DNTTIP1: variants seen among roughly 807,000 people sequenced by gnomAD.
DNTTIP1 encodes the protein deoxynucleotidyltransferase terminal interacting protein 1.
In DNTTIP1, 22 loss-of-function variants were observed where a neutral mutation model predicts 52.9. The observed-to-expected ratio is 0.42, with a 90% CI of 0.30 to 0.59. DNTTIP1 has a LOEUF of 0.59. Among genes scored for constraint, DNTTIP1 ranks in the 20% least tolerant of loss-of-function variants. The pLI, the probability that DNTTIP1 is intolerant of heterozygous loss-of-function variation, is 0.22. For missense variants in DNTTIP1, 286 were observed against 435.5 expected (o/e 0.66, Z 3.06); for synonymous variants, 136 against 155.1 (o/e 0.88, Z 0.92).
At chr20:45,802,526 T>C (rs138790740) in intron 7 of DNTTIP1, among the ~76,000 whole-genome samples, 371 of 152,126 alleles carry the variant, frequency 2.4e-3, no homozygotes, top group Middle Eastern at 0.01. Context: ...CACAGCAAAA[T>C]TGAGAGGAAG....
chr20:45,802,177 G>A lies in DNTTIP1; in HGVS notation c.557+120G>A, dbSNP rs1285243346. The A allele has an allele frequency of 1.5e-5, 16 of 1,060,652 alleles. No homozygotes were observed. In the South Asian group the frequency reaches 1.8e-4, roughly 12 times the overall value. The allele number at this position is 1,060,652 out of a possible 1,614,324, so 65.7% of individuals were successfully genotyped here. A position where few individuals can be genotyped will look rare whatever the true frequency, so the allele number is the denominator to read the frequency against. On this transcript the variant is annotated intron_variant, in intron 7 of 12. Transcript: ENST00000372622. ...ATCAGATCCATCAGCTTAAGTCATC[G>A]TGGAGGGGGGTTATCCTGGTTGGAG...
intron 5 of DNTTIP1, 70 bp downstream of exon 5, chr20:45,801,212 G>A: frequency 6.6e-7 from 1 of 1,512,114 alleles, no homozygotes; most frequent in Non-Finnish European, 9.2e-7. Context: ...TGAAATATGT[G>A]GGCCCAGGGA....
At chr20:45,798,621 A>G (rs560128068) in intron 4 of DNTTIP1, among the ~76,000 whole-genome samples, 2 of 152,066 alleles carry the variant, frequency 1.3e-5, no homozygotes, top group African/African-American at 2.4e-5. Flanking sequence ...CTCCTCCAGC[A>G]CAAGCTTAGG....
At chr20:45,803,508 C>A in intron 8 of DNTTIP1, 130 bp downstream of exon 8, 1 of 939,138 alleles carries the variant, frequency 1.1e-6, no homozygotes. Context: ...ATCTGCCCCT[C>A]TCCACCTCCA....
At chr20:45,793,076 GAC>G (rs988133217) in intron 2 of DNTTIP1, among the ~76,000 whole-genome samples, 41 of 152,318 alleles carry the variant, frequency 2.7e-4, no homozygotes, top group African/African-American at 9.1e-4. Context: ...TCTGGAGTCA[GAC>G]AACTGTGTTC....
chr20:45,798,033 A>G (rs1044296560), intron 4 of DNTTIP1, among the ~76,000 whole-genome samples: 4 of 152,186 alleles, frequency 2.6e-5, no homozygotes, highest in African/African-American at 7.2e-5. Flanking sequence ...ACATGCACAC[A>G]TATGTTTATT....
intron 4 of DNTTIP1, among the ~76,000 whole-genome samples, chr20:45,796,136 C>T (rs555823952): frequency 6.6e-6 from 1 of 151,282 alleles, no homozygotes; most frequent in Admixed American, 6.6e-5. Context: ...TGAACAAGTT[C>T]TGGGCAATCT....
intron 4 of DNTTIP1, among the ~76,000 whole-genome samples, chr20:45,797,290 G>A (rs182435789): frequency 6.4e-4 from 97 of 152,234 alleles, no homozygotes; most frequent in Middle Eastern, 3.4e-3. Context: ...GTAGAAAGCC[G>A]AAACTGGATC....
intron 4 of DNTTIP1, among the ~76,000 whole-genome samples, chr20:45,795,697 CCA>C: frequency 6.6e-6 from 1 of 152,188 alleles, no homozygotes; most frequent in East Asian, 1.9e-4. Flanking sequence ...TGCTTGGGAG[CCA>C]TAGGCACGAG....
intron 4 of DNTTIP1, among the ~76,000 whole-genome samples, chr20:45,795,891 T>G (rs2145698320): frequency 6.6e-6 from 1 of 152,326 alleles, no homozygotes; most frequent in African/African-American, 2.4e-5. Flanking sequence ...TTGAGGCTGT[T>G]GCTGACAGGG....
Position 45,809,098 on chromosome 20 carries a change from A to G in DNTTIP1, c.724-16A>G, listed in dbSNP as rs1415491116. 6.2e-7 allele frequency: 1 copy of G among 1,613,488 alleles called. No individual in the cohort carries two copies. Among genetic ancestry groups the G allele is most frequent in the Admixed American group, 1.7e-5 (1 of 60,022 alleles). On this transcript the variant is annotated splice_polypyrimidine_tract_variant and intron_variant, in intron 10 of 12. Transcript: ENST00000372622. The surrounding 1 kb of genome is among the most constrained non-coding windows in gnomAD (Gnocchi z 4.2). Reference sequence around the variant, plus strand: ...CTTACCCGAGGCTAATTTTCTTACAACTTCATTCCTTACAGTATGCAGCTG... The same window carrying G: ...CTTACCCGAGGCTAATTTTCTTACAGCTTCATTCCTTACAGTATGCAGCTG...
At chr20:45,801,362 G>A in intron 5 of DNTTIP1, 40 bp from the exon 6 acceptor site, 1 of 1,611,054 alleles carries the variant, frequency 6.2e-7, no homozygotes, top group Non-Finnish European at 8.5e-7. Context: ...GCAGCTCCCA[G>A]GCACTGGCCT....
chr20:45,798,900 A>C (rs1186045403), intron 4 of DNTTIP1, among the ~76,000 whole-genome samples: 5 of 152,220 alleles, frequency 3.3e-5, no homozygotes, highest in African/African-American at 7.2e-5. Flanking sequence ...AAATGAACAA[A>C]CAAGCTTCCT....
intron 12 of DNTTIP1, 47 bp from the exon 13 acceptor site, chr20:45,811,010 C>T: frequency 6.2e-7 from 1 of 1,613,386 alleles, no homozygotes; most frequent in Non-Finnish European, 8.5e-7. Flanking sequence ...TGAGGCAGGG[C>T]CTACATCCTC....
At chr20:45,800,994 C>G in intron 4 of DNTTIP1, 80 bp from the exon 5 acceptor site, 1 of 1,071,784 alleles carries the variant, frequency 9.3e-7, no homozygotes, top group East Asian at 2.6e-5. Context: ...ACTCTGTCTC[C>G]AAAAAAAAAA....
At chr20:45,804,516 T>C (rs1009813921) in intron 8 of DNTTIP1, among the ~76,000 whole-genome samples, 1 of 152,182 alleles carries the variant, frequency 6.6e-6, no homozygotes, top group African/African-American at 2.4e-5. Flanking sequence ...TCTCACTCCC[T>C]GTTTAGAGGC....
At chr20:45,793,231 A>G (rs1365540437) in intron 2 of DNTTIP1, among the ~76,000 whole-genome samples, 1 of 152,258 alleles carries the variant, frequency 6.6e-6, no homozygotes, top group Admixed American at 6.5e-5. Flanking sequence ...TTACTCATTA[A>G]AGTGTATAGA....
chr20:45,807,035 CTT>C (rs143446762), intron 10 of DNTTIP1, among the ~76,000 whole-genome samples: 1 of 151,128 alleles, frequency 6.6e-6, no homozygotes, highest in African/African-American at 2.4e-5. Context: ...TTTCTTTTTT[CTT>C]TTTTTTTAAC....
intron 3 of DNTTIP1, among the ~76,000 whole-genome samples, chr20:45,794,992 G>T (rs6094211): frequency 1.3e-5 from 2 of 151,758 alleles, no homozygotes; most frequent in Admixed American, 1.3e-4. Context: ...TAGAGACGGG[G>T]TTTCACCGTG....
Sources: gnomAD v4.1 joint callset for allele counts (sites outside exome capture counted in the v4.1 genomes callset) on GRCh38, gnomAD v4.1.1 for gene constraint, Gnocchi (gnomAD v3.1) non-coding constraint, MANE v1.5 for transcripts, NCBI Gene and HGNC (gene_info 2026-07-23, HGNC 2026-07-21) for gene names.